GABRA2: variants seen among roughly 807,000 people sequenced by gnomAD.
The protein encoded by GABRA2 is gamma-aminobutyric acid type A receptor subunit alpha2, also known as gamma-aminobutyric acid receptor subunit alpha-2.
A neutral mutation model predicts 48.7 loss-of-function variants in GABRA2; 16 were observed. That is an observed-to-expected ratio of 0.33 (90% CI 0.22 to 0.50). GABRA2 has a LOEUF of 0.50. GABRA2 is among the 20% of genes least tolerant of loss of function. The pLI is 0.98. For missense variants in GABRA2, 275 were observed against 535.6 expected (o/e 0.51, Z 4.80); for synonymous variants, 185 against 184.5 (o/e 1.00, Z -0.02).
At chr4:46,311,571 A>G (rs904711168) in intron 5 of GABRA2, among the ~76,000 whole-genome samples, 1 of 152,176 alleles carries the variant, frequency 6.6e-6, no homozygotes, top group East Asian at 1.9e-4. Flanking sequence ...TTAAGATGTA[A>G]TAGGTTTTAG....
In GABRA2 at chr4:46,310,233, G is replaced by T; in HGVS notation, c.499C>A (p.Pro167Thr). The T allele has an allele frequency of 6.2e-7, 1 of 1,613,484 alleles. No individual in the cohort carries two copies. Among genetic ancestry groups the T allele is most frequent in the Non-Finnish European group, 8.5e-7 (1 of 1,179,610 alleles). The change falls in exon 6 of 10, where the codon CCA (proline) becomes ACA (threonine). Residue 167 changes from proline to threonine, a missense_variant. Physicochemically the swap from Pro to Thr is conservative, Grantham distance 38. Coordinates refer to ENST00000381620, the MANE Select transcript of GABRA2 (RefSeq NM_000807.4). Reference protein sequence around the residue: ...TMRLTVQAECPMHLEDFPMDA... With the variant: ...TMRLTVQAECTMHLEDFPMDA... ...ATTGGGAAATCCTCCAAGTGCATTG[G>T]GCATTCAGCTTGAACTGTAAGCCTA...
At chr4:46,383,410 G>A (rs1376173173) in intron 3 of GABRA2, among the ~76,000 whole-genome samples, 1 of 152,170 alleles carries the variant, frequency 6.6e-6, no homozygotes, top group East Asian at 1.9e-4. Flanking sequence ...AGGTCAGCCA[G>A]ATATGGGTAG....
intron 4 of GABRA2, among the ~76,000 whole-genome samples, chr4:46,321,268 A>G (rs73133203): frequency 0.058 from 8,879 of 151,918 alleles, 902 homozygotes; most frequent in African/African-American, 0.2. Context: ...GGTGTCAATC[A>G]AAGGGTATAA....
intron 8 of GABRA2, among the ~76,000 whole-genome samples, chr4:46,278,552 T>C (rs1033952669): frequency 2.6e-5 from 4 of 152,176 alleles, no homozygotes; most frequent in African/African-American, 9.7e-5. Flanking sequence ...CATGACCCTC[T>C]TTATGGTACA....
At chr4:46,283,121 A>G (rs960223100) in intron 8 of GABRA2, among the ~76,000 whole-genome samples, 3 of 152,212 alleles carry the variant, frequency 2.0e-5, no homozygotes, top group Non-Finnish European at 4.4e-5. Flanking sequence ...TAGATAGTCA[A>G]CCCGTGAGAG....
At chr4:46,286,613 T>C (rs947166426) in intron 8 of GABRA2, among the ~76,000 whole-genome samples, 1 of 152,158 alleles carries the variant, frequency 6.6e-6, no homozygotes, top group Non-Finnish European at 1.5e-5. Context: ...ATGATTACTA[T>C]ATATTTTTCA....
intron 4 of GABRA2, among the ~76,000 whole-genome samples, chr4:46,326,698 T>C (rs1466268576): frequency 6.6e-6 from 1 of 151,902 alleles, no homozygotes; most frequent in Non-Finnish European, 1.5e-5. Context: ...CCTTGTAAGA[T>C]TTTATGTATG....
At chr4:46,270,206 T>C (rs1338915263) in intron 8 of GABRA2, among the ~76,000 whole-genome samples, 3 of 151,956 alleles carry the variant, frequency 2.0e-5, no homozygotes, top group Non-Finnish European at 4.4e-5. Flanking sequence ...TTTCATCTGA[T>C]TTTGGAAATT....
At chr4:46,378,350 T>C (rs1322622430) in intron 3 of GABRA2, among the ~76,000 whole-genome samples, 3 of 152,082 alleles carry the variant, frequency 2.0e-5, no homozygotes, top group African/African-American at 7.2e-5. Flanking sequence ...TGTTGATCTG[T>C]GACCTTACCC....
At chr4:46,310,957 G>C (rs1173991278) in intron 5 of GABRA2, among the ~76,000 whole-genome samples, 1 of 152,100 alleles carries the variant, frequency 6.6e-6, no homozygotes. Context: ...AGTGGATATA[G>C]CAGGTACTAA....
At chr4:46,328,293 T>C (rs1560534068) in intron 4 of GABRA2, among the ~76,000 whole-genome samples, 1 of 130,232 alleles carries the variant, frequency 7.7e-6, no homozygotes, top group African/African-American at 2.6e-5. Context: ...TGTGTGTGTG[T>C]GTGCGCACAC....
chr4:46,386,248 C>T (rs1308292332), intron 2 of GABRA2, 59 bp from the exon 3 acceptor site: 3 of 992,968 alleles, frequency 3.0e-6, no homozygotes, highest in Non-Finnish European at 4.6e-6. Flanking sequence ...CAAATGCCAA[C>T]ATGCTTTTCT....
rs151042750 is a variant in GABRA2 at position 46,379,383 on chromosome 4, C to T, written c.187+6691G>A. ...CCACTTCAGGCACCCAAGCACATGTCTCATGCCTCCCACAAAGTAAATTTA... is the reference window on the plus strand; with the variant it reads ...CCACTTCAGGCACCCAAGCACATGTTTCATGCCTCCCACAAAGTAAATTTA... On this transcript the variant is annotated intron_variant, in intron 3 of 9. Coordinates refer to ENST00000381620, the MANE Select transcript of GABRA2 (RefSeq NM_000807.4). Among the ~76,000 whole-genome samples, 1,122 of 152,292 alleles carry T rather than the reference C, an allele frequency of 7.4e-3. 14 individuals are homozygous for T. The highest frequency in any genetic ancestry group is 0.025 in the African/African-American group (1,038 of 41,556).
chr4:46,357,174 C>G (rs1378609853), intron 3 of GABRA2, among the ~76,000 whole-genome samples: 1 of 151,626 alleles, frequency 6.6e-6, no homozygotes, highest in African/African-American at 2.4e-5. Flanking sequence ...TCTGCAGGCC[C>G]CAGAACTCCT....
intron 3 of GABRA2, among the ~76,000 whole-genome samples, chr4:46,372,671 C>G (rs2110006103): frequency 6.6e-6 from 1 of 152,268 alleles, no homozygotes; most frequent in South Asian, 2.1e-4. Flanking sequence ...TATGATAATT[C>G]TTCTCTTACC....
At chr4:46,346,467 T>A (rs1230714074) in intron 3 of GABRA2, among the ~76,000 whole-genome samples, 1 of 151,656 alleles carries the variant, frequency 6.6e-6, no homozygotes. Context: ...TTCTAAGTTT[T>A]GTCTTTGATA....
intron 3 of GABRA2, among the ~76,000 whole-genome samples, chr4:46,348,234 C>T (rs367981223): frequency 4.6e-5 from 7 of 152,066 alleles, no homozygotes; most frequent in Admixed American, 1.3e-4. Flanking sequence ...GATACCATCT[C>T]ACACCAGTTA....
intron 9 of GABRA2, among the ~76,000 whole-genome samples, chr4:46,255,290 A>T (rs970381933): frequency 1.1e-4 from 16 of 151,546 alleles, no homozygotes; most frequent in African/African-American, 3.4e-4. Flanking sequence ...GTGTAACAAG[A>T]TAATATGTCA....
chr4:46,310,361 C>A, intron 5 of GABRA2, 106 bp from the exon 6 acceptor site: 2 of 656,492 alleles, frequency 3.0e-6, no homozygotes, highest in Middle Eastern at 2.5e-4. Context: ...TTAATCACAG[C>A]AGTAGGCTCA....
Sources: gnomAD v4.1 joint callset for allele counts (sites outside exome capture counted in the v4.1 genomes callset) on GRCh38, gnomAD v4.1.1 for gene constraint, MANE v1.5 for transcripts, NCBI Gene and HGNC (gene_info 2026-07-23, HGNC 2026-07-21) for gene names.